SGCZ: variants seen among roughly 807,000 people sequenced by gnomAD.
The protein encoded by SGCZ is sarcoglycan zeta, also known as zeta-sarcoglycan.
SGCZ carries 40 observed loss-of-function variants against 41.3 expected under a neutral mutation model. That is an observed-to-expected ratio of 0.97 (90% confidence interval 0.75 to 1.26). The LOEUF (loss-of-function observed/expected upper bound fraction) is 1.26. Among genes scored for constraint, SGCZ ranks in the 50% most tolerant of loss-of-function variants. The pLI is 0.00. For synonymous variants in SGCZ, 206 were observed against 137.5 expected (o/e 1.50, Z -3.49); for missense variants, 552 against 369.8 (o/e 1.49, Z -4.04).
At chr8:14,330,164 G>A (rs1198280016) in intron 2 of SGCZ, among the ~76,000 whole-genome samples, 1 of 151,992 alleles carries the variant, frequency 6.6e-6, no homozygotes, top group Non-Finnish European at 1.5e-5. Flanking sequence ...TCTAATTTTA[G>A]TTAACTGTGT....
At chr8:14,230,611 T>C (rs1806528531) in intron 4 of SGCZ, among the ~76,000 whole-genome samples, 1 of 152,110 alleles carries the variant, frequency 6.6e-6, no homozygotes, top group African/African-American at 2.4e-5. Context: ...GATTTCCACA[T>C]GAAAATACTC....
intron 1 of SGCZ, among the ~76,000 whole-genome samples, chr8:14,666,927 T>G (rs1000922108): frequency 6.6e-6 from 1 of 151,946 alleles, no homozygotes; most frequent in African/African-American, 2.4e-5. Flanking sequence ...AGAAATATGT[T>G]TGTATATAAA....
At chr8:14,151,853 A>G (rs1803719616) in intron 5 of SGCZ, among the ~76,000 whole-genome samples, 1 of 152,144 alleles carries the variant, frequency 6.6e-6, no homozygotes, top group African/African-American at 2.4e-5. Context: ...ATAATGGAGG[A>G]AGAAAAAGCT....
chr8:14,779,450 G>C (rs1417094699), intron 1 of SGCZ, among the ~76,000 whole-genome samples: 3 of 152,264 alleles, frequency 2.0e-5, no homozygotes, highest in African/African-American at 7.2e-5. Context: ...TTGCAATTCA[G>C]CTGCCATCCG....
chr8:14,280,801 GT>G (rs34134846), intron 3 of SGCZ, among the ~76,000 whole-genome samples: 43,515 of 147,454 alleles, frequency 0.3, 6,516 homozygotes, highest in South Asian at 0.43. Flanking sequence ...AAACTATAGG[GT>G]TTTTTTTTTT....
At chr8:14,230,149 G>C (rs1160825491) in intron 4 of SGCZ, among the ~76,000 whole-genome samples, 2 of 152,062 alleles carry the variant, frequency 1.3e-5, no homozygotes, top group African/African-American at 4.8e-5. Context: ...GTAAGGACCA[G>C]TAGATTCATC....
At chr8:15,136,540 C>G (rs1293248868) in intron 1 of SGCZ, among the ~76,000 whole-genome samples, 3 of 152,052 alleles carry the variant, frequency 2.0e-5, no homozygotes, top group African/African-American at 7.2e-5. Context: ...TCCCATAATC[C>G]TCAGGTGTCA....
At chr8:14,307,743 T>C (rs923424345) in intron 3 of SGCZ, among the ~76,000 whole-genome samples, 2 of 152,138 alleles carry the variant, frequency 1.3e-5, no homozygotes, top group African/African-American at 4.8e-5. Context: ...TCTTTTTTAA[T>C]ATAAAGACAT....
At chr8:14,289,208 A>T (rs1237194618) in intron 3 of SGCZ, among the ~76,000 whole-genome samples, 1 of 104,366 alleles carries the variant, frequency 9.6e-6, no homozygotes. Flanking sequence ...ATATTTTCTC[A>T]CATAGTAGGA....
intron 1 of SGCZ, among the ~76,000 whole-genome samples, chr8:15,195,450 G>T (rs1236909985): frequency 6.6e-6 from 1 of 152,164 alleles, no homozygotes; most frequent in Non-Finnish European, 1.5e-5. Context: ...TGCTCGGCAA[G>T]CTCATTTTCA....
intron 1 of SGCZ, among the ~76,000 whole-genome samples, chr8:14,691,366 A>G (rs968762436): frequency 3.9e-5 from 6 of 152,170 alleles, no homozygotes; most frequent in Non-Finnish European, 8.8e-5. Flanking sequence ...GTGGCAGAGA[A>G]TCTACAAACC....
intron 1 of SGCZ, among the ~76,000 whole-genome samples, chr8:15,087,069 C>T (rs976946253): frequency 6.6e-6 from 1 of 152,056 alleles, no homozygotes; most frequent in Non-Finnish European, 1.5e-5. Context: ...TCTGCCATGA[C>T]TGTAGAATTA....
intron 1 of SGCZ, among the ~76,000 whole-genome samples, chr8:14,734,661 G>A (rs1225930438): frequency 1.3e-5 from 2 of 152,052 alleles, no homozygotes; most frequent in Non-Finnish European, 2.9e-5. Context: ...ATTCCAATGT[G>A]CTGTGTCTAT....
intron 1 of SGCZ, among the ~76,000 whole-genome samples, chr8:14,598,046 A>G (rs1805468832): frequency 6.6e-6 from 1 of 152,232 alleles, no homozygotes; most frequent in Non-Finnish European, 1.5e-5. Flanking sequence ...GAGTTAGAGC[A>G]AAAATTATGA....
At chr8:14,846,513 G>C (rs1803108222) in intron 1 of SGCZ, among the ~76,000 whole-genome samples, 2 of 151,794 alleles carry the variant, frequency 1.3e-5, no homozygotes, top group South Asian at 4.2e-4. Flanking sequence ...AGACTCCACG[G>C]ATAACAAAAG....
chr8:14,273,752 G>A (rs1800134122), intron 3 of SGCZ, among the ~76,000 whole-genome samples: 1 of 152,080 alleles, frequency 6.6e-6, no homozygotes, highest in Non-Finnish European at 1.5e-5. Flanking sequence ...AATATCCAAT[G>A]CAGCCTAGAT....
chr8:14,262,619 T>C (rs1037492000), intron 3 of SGCZ, among the ~76,000 whole-genome samples: 7 of 151,836 alleles, frequency 4.6e-5, no homozygotes, highest in African/African-American at 1.4e-4. Flanking sequence ...ATCTACATTG[T>C]AGCGCTCAAA....
intron 3 of SGCZ, among the ~76,000 whole-genome samples, chr8:14,278,508 G>A (rs1424392276): frequency 6.6e-6 from 1 of 151,986 alleles, no homozygotes; most frequent in Non-Finnish European, 1.5e-5. Context: ...TGAGTTTTTA[G>A]GATTATCCTG....
chr8:15,133,963 G>A (rs1010397307), intron 1 of SGCZ, among the ~76,000 whole-genome samples: 1 of 152,094 alleles, frequency 6.6e-6, no homozygotes, highest in African/African-American at 2.4e-5. Context: ...TATTATCAAT[G>A]AAAGAAAAAT....
Sources: gnomAD v4.1 joint callset for allele counts (sites outside exome capture counted in the v4.1 genomes callset) on GRCh38, gnomAD v4.1.1 for gene constraint, MANE v1.5 for transcripts, NCBI Gene and HGNC (gene_info 2026-07-23, HGNC 2026-07-21) for gene names.